Variants in ITGA9 observed in about 807,000 individuals in gnomAD.
ITGA9 encodes the protein integrin subunit alpha 9, also known as integrin alpha-9.
Under a neutral mutation model 127.8 loss-of-function variants are expected in ITGA9, and 56 were observed. The observed-to-expected ratio is 0.44, with a 90% CI of 0.35 to 0.55. ITGA9 has a LOEUF of 0.55. Ranked by LOEUF, ITGA9 falls within the 20% of genes least tolerant of loss-of-function variation. The probability of loss-of-function intolerance (pLI) is 0.00; values close to 1 mark genes in which losing one functional copy is unlikely to be tolerated. For missense variants in ITGA9, 1,196 were observed against 1,347.1 expected (o/e 0.89, Z 1.76); for synonymous variants, 508 against 514.5 (o/e 0.99, Z 0.17).
Position 37,526,762 on chromosome 3 carries a change from G to A in ITGA9, c.1373+691G>A, listed in dbSNP as rs569530894. Among the ~76,000 whole-genome samples the A allele has an allele frequency of 2.6e-5, 4 of 152,384 alleles. No homozygotes were observed. The South Asian group carries it at 8.3e-4, about 32-fold the overall frequency. On this transcript the variant is annotated intron_variant, in intron 13 of 27. Transcript: ENST00000264741. ...AATTCTTAGGTTTTGTTAATAACCT[G>A]ATGGCAGAACTTTCTAAAATAGACT...
rs754676718 is a variant in ITGA9 at position 37,597,248 on chromosome 3, TA to T, written c.1690-31938del. Among the ~76,000 whole-genome samples the T allele has an allele frequency of 7.2e-5, 11 of 152,150 alleles. No individual in the cohort carries two copies. The highest frequency in any genetic ancestry group is 1.5e-4 in the Non-Finnish European group (10 of 68,026). ...CATGATCTAAGAGTGATCCAAGAGA[TA>T]GTGGGACCTGCTCAAGGTTTCATCC... is the stretch of plus-strand genomic sequence containing the variant. On this transcript the variant is annotated intron_variant, in intron 15 of 27. Transcript: ENST00000264741. The surrounding 1 kb of genome is among the most constrained non-coding windows in gnomAD (Gnocchi z 4.6).
In ITGA9 at chr3:37,694,230, C is replaced by T. The variant is rs1315442575; in HGVS notation, c.2067+10215C>T. Among the ~76,000 whole-genome samples, 4 of 152,242 alleles carry T rather than the reference C, an allele frequency of 2.6e-5. No homozygotes were observed. The South Asian group carries it at 6.2e-4, about 24-fold the overall frequency. ...CTTATCAGATGGAAACTCGGCATTC[C>T]TCAGAGACCCTTCAGTGTTTCTCAG... On this transcript the variant is annotated intron_variant, in intron 18 of 27. Coordinates refer to ENST00000264741, the MANE Select transcript of ITGA9 (RefSeq NM_002207.3).
At chr3:37,594,551 A>G (rs1699850871) in intron 15 of ITGA9, among the ~76,000 whole-genome samples, 1 of 152,072 alleles carries the variant, frequency 6.6e-6, no homozygotes, top group African/African-American at 2.4e-5. Context: ...GAGAGGCTGC[A>G]TAACAGAGGT....
intron 18 of ITGA9, among the ~76,000 whole-genome samples, chr3:37,715,399 T>C (rs1701123732): frequency 6.6e-6 from 1 of 152,172 alleles, no homozygotes; most frequent in African/African-American, 2.4e-5. Flanking sequence ...ACATAATCAT[T>C]GTGCAATGAC....
chr3:37,786,615 CAA>C (rs879838996), intron 26 of ITGA9, among the ~76,000 whole-genome samples: 4 of 59,268 alleles, frequency 6.7e-5, no homozygotes, highest in East Asian at 6.3e-4. Flanking sequence ...AACAAACAAA[CAA>C]AAAAAAAAAA....
intron 26 of ITGA9, among the ~76,000 whole-genome samples, chr3:37,786,678 T>A (rs1697046150): frequency 6.6e-6 from 1 of 152,100 alleles, no homozygotes; most frequent in Non-Finnish European, 1.5e-5. Context: ...TCCTGTCCGT[T>A]TTTGGTGAGC....
chr3:37,780,198 G>T (rs1372205839), intron 25 of ITGA9, among the ~76,000 whole-genome samples, 177 bp downstream of exon 25: 2 of 152,104 alleles, frequency 1.3e-5, no homozygotes, highest in African/African-American at 4.8e-5. Flanking sequence ...ATGTATTTAG[G>T]GGGTACAAGT....
At chr3:37,465,235 C>A (rs748111852) in intron 1 of ITGA9, among the ~76,000 whole-genome samples, 1 of 152,168 alleles carries the variant, frequency 6.6e-6, no homozygotes, top group Non-Finnish European at 1.5e-5. Context: ...CTCTGTCACC[C>A]GCTCTCCAGA....
chr3:37,817,921 T>C (rs1330123179), intron 27 of ITGA9, among the ~76,000 whole-genome samples: 3 of 152,132 alleles, frequency 2.0e-5, no homozygotes, highest in Non-Finnish European at 2.9e-5. Context: ...AATGTGCTGC[T>C]GACTGTGGTG....
At chr3:37,764,005 G>A (rs1214496561) in intron 23 of ITGA9, among the ~76,000 whole-genome samples, 1 of 152,154 alleles carries the variant, frequency 6.6e-6, no homozygotes, top group African/African-American at 2.4e-5. Flanking sequence ...CAATCGAGAT[G>A]TCTCCCCAGT....
In ITGA9 at chr3:37,494,517, C is replaced by T. The variant is rs143120640; in HGVS notation, c.561C>T (p.Tyr187=). The T allele has an allele frequency of 3.0e-5, 49 of 1,612,894 alleles. No individual in the cohort carries two copies. Among genetic ancestry groups the T allele is most frequent in the African/African-American group, 2.5e-4 (19 of 74,928 alleles). ...IPCYEEYKKK[Y]GEEHGSCQAG... ...TCCCCCTAGAGTATAAGAAGAAGTA[C>T]GGAGAGGAACACGGCTCCTGCCAGG... Residue 187 remains tyrosine (Y), a synonymous_variant, in exon 5 of 28, where the codon TAC becomes TAT. Coordinates refer to ENST00000264741, the MANE Select transcript of ITGA9 (RefSeq NM_002207.3).
chr3:37,541,941 G>T (rs1323075138), intron 14 of ITGA9, among the ~76,000 whole-genome samples: 1 of 152,210 alleles, frequency 6.6e-6, no homozygotes, highest in Non-Finnish European at 1.5e-5. Flanking sequence ...ACTTTGTTGA[G>T]ATGAGTTAAA....
intron 9 of ITGA9, 105 bp downstream of exon 9, chr3:37,514,005 C>T: frequency 6.7e-6 from 9 of 1,334,860 alleles, no homozygotes; most frequent in Non-Finnish European, 8.6e-6. Context: ...GGCAATGTTA[C>T]CCAGAGGAGA....
chr3:37,470,756 G>A (rs1012956619), intron 1 of ITGA9, among the ~76,000 whole-genome samples: 15 of 151,996 alleles, frequency 9.9e-5, no homozygotes, highest in Non-Finnish European at 2.1e-4. Context: ...CACCCGCCTC[G>A]GCCTCTCAAA....
chr3:37,455,521 G>A (rs1369976697), intron 1 of ITGA9, among the ~76,000 whole-genome samples: 1 of 152,092 alleles, frequency 6.6e-6, no homozygotes, highest in African/African-American at 2.4e-5. Flanking sequence ...GAACCTACAT[G>A]GGGGTGACTT....
intron 15 of ITGA9, among the ~76,000 whole-genome samples, chr3:37,571,622 G>A (rs540624021): frequency 5.9e-5 from 9 of 152,324 alleles, no homozygotes; most frequent in South Asian, 2.1e-4. Context: ...TGGGTCTGGG[G>A]TTGGGACTAG....
Position 37,732,786 on chromosome 3 carries a change from G to A in ITGA9, c.2142G>A (p.Arg714=). 3 of 1,609,716 alleles carry A rather than the reference G, an allele frequency of 1.9e-6. No homozygotes were observed. The highest frequency in any genetic ancestry group is 1.3e-5 in the African/African-American group (1 of 75,010). ...LKCSVGFPFM[R]SKSKYEFSVI... ...GCAGCGTGGGATTTCCTTTCATGAGGTCAAAGTCAAAGGTAAGGGACACAG... is the reference window on the plus strand; with the variant it reads ...GCAGCGTGGGATTTCCTTTCATGAGATCAAAGTCAAAGGTAAGGGACACAG... The change falls in exon 19 of 28, where the codon AGG becomes AGA. Residue 714 remains arginine, a synonymous_variant. Transcript: ENST00000264741.
intron 23 of ITGA9, among the ~76,000 whole-genome samples, chr3:37,755,560 A>G (rs1696643203): frequency 6.6e-6 from 1 of 152,214 alleles, no homozygotes; most frequent in African/African-American, 2.4e-5. Context: ...TAAACTAGAG[A>G]TTTGTAAATT....
At chr3:37,636,778 A>G (rs1184585508) in intron 16 of ITGA9, among the ~76,000 whole-genome samples, 1 of 152,058 alleles carries the variant, frequency 6.6e-6, no homozygotes, top group Non-Finnish European at 1.5e-5. Flanking sequence ...CTAACATTTA[A>G]GTCTTTAATC....
Sources: gnomAD v4.1 joint callset for allele counts (sites outside exome capture counted in the v4.1 genomes callset) on GRCh38, gnomAD v4.1.1 for gene constraint, Gnocchi (gnomAD v3.1) non-coding constraint, MANE v1.5 for transcripts, NCBI Gene and HGNC (gene_info 2026-07-23, HGNC 2026-07-21) for gene names.